The following PPP2R5C variants were observed in gnomAD, a reference collection of about 807,000 sequenced individuals.
PPP2R5C encodes the protein protein phosphatase 2 regulatory subunit B'gamma.
Under a neutral mutation model 68.9 loss-of-function variants are expected in PPP2R5C, and 7 were observed. The observed-to-expected ratio is 0.10, with a 90% CI of 0.06 to 0.19. The LOEUF (loss-of-function observed/expected upper bound fraction) is 0.19. Among genes scored for constraint, PPP2R5C ranks in the 10% least tolerant of loss-of-function variants. PPP2R5C has a pLI of 1.00. For synonymous variants in PPP2R5C, 210 were observed against 222.2 expected, an observed-to-expected ratio of 0.95 and a Z score of 0.49; for missense variants, 348 against 641.3, an observed-to-expected ratio of 0.54 and a Z score of 4.94.
intron 1 of PPP2R5C, 86 bp from the exon 2 acceptor site, chr14:101,762,819 T>C (rs1440185867): frequency 9.3e-7 from 1 of 1,073,946 alleles, no homozygotes; most frequent in African/African-American, 1.6e-5. Context: ...GTTGTATAAA[T>C]CACTTTTAAA....
chr14:101,845,887 TC>T (rs1229276239), intron 1 of PPP2R5C, among the ~76,000 whole-genome samples: 1 of 152,182 alleles, frequency 6.6e-6, no homozygotes, highest in African/African-American at 2.4e-5. Flanking sequence ...GTTGTCTCTA[TC>T]CAAACATGTA....
intron 9 of PPP2R5C, among the ~76,000 whole-genome samples, chr14:101,903,042 C>G (rs1455775655): frequency 6.9e-6 from 1 of 143,978 alleles, no homozygotes; most frequent in Non-Finnish European, 1.5e-5. Flanking sequence ...TTCATCAATC[C>G]TGGCCTACAG....
At chr14:101,894,605 C>T (rs1314391378) in intron 8 of PPP2R5C, 45 bp downstream of exon 10, 1 of 1,551,014 alleles carries the variant, frequency 6.4e-7, no homozygotes, top group Non-Finnish European at 8.9e-7. Flanking sequence ...GTGCATTTCA[C>T]TAAATGTAAA....
chr14:101,866,165 G>A (rs2043053940), intron 2 of PPP2R5C, among the ~76,000 whole-genome samples: 1 of 152,220 alleles, frequency 6.6e-6, no homozygotes, highest in Admixed American at 6.5e-5. Context: ...AGAGTACTGG[G>A]ATAACTGGCG....
rs2044254143 is a variant in PPP2R5C at position 101,882,987 on chromosome 14, G to A, written c.406-270G>A. The A allele has an allele frequency of 2.9e-6, 1 of 347,426 alleles. No individual in the cohort carries two copies. The highest frequency in any genetic ancestry group is 7.1e-5 in the East Asian group (1 of 14,072). The allele number at this position is 347,426 out of a possible 1,614,324, so 21.5% of individuals were successfully genotyped here. ...GTGGCATCTGTGCCCTGTAGTCCCTGAACAGTGTACTATAACTGATGACAT... is the reference window on the plus strand; with the variant it reads ...GTGGCATCTGTGCCCTGTAGTCCCTAAACAGTGTACTATAACTGATGACAT... On this transcript the variant is annotated intron_variant, in intron 3 of 13. Transcript: ENST00000334743. This position sits in a 1 kb window ranked among gnomAD's most constrained non-coding sequence, Gnocchi z 4.9.
chr14:101,762,308 A>G (rs1400823880), intron 1 of PPP2R5C, among the ~76,000 whole-genome samples: 2 of 152,040 alleles, frequency 1.3e-5, no homozygotes, highest in African/African-American at 4.8e-5. Context: ...GGCTCCCGGA[A>G]AGGAGCTTCA....
intron 8 of PPP2R5C, among the ~76,000 whole-genome samples, chr14:101,896,754 TA>T (rs1162570552): frequency 6.6e-6 from 1 of 152,124 alleles, no homozygotes; most frequent in Non-Finnish European, 1.5e-5. Context: ...TAAGGAATGT[TA>T]GGAACCAATT....
chr14:101,918,810 T>G (rs1215520334), intron 13 of PPP2R5C, among the ~76,000 whole-genome samples: 1 of 149,138 alleles, frequency 6.7e-6, no homozygotes. Flanking sequence ...TCAGCTGCCG[T>G]GTTTCCCTGA....
intron 2 of PPP2R5C, 100 bp downstream of exon 4, chr14:101,856,985 C>A (rs184894158): frequency 7.2e-6 from 8 of 1,114,066 alleles, no homozygotes; most frequent in Non-Finnish European, 7.8e-6. Context: ...GGAGAAGAAT[C>A]CTCCTGTTCC....
At chr14:101,901,416 C>T (rs1436519928) in intron 8 of PPP2R5C, among the ~76,000 whole-genome samples, 1 of 152,218 alleles carries the variant, frequency 6.6e-6, no homozygotes, top group Non-Finnish European at 1.5e-5. Flanking sequence ...GTCCCAGCTA[C>T]TCAGAGGCTG....
chr14:101,763,018 C>A (rs1426609238), intron 2 of PPP2R5C, 48 bp downstream of exon 2: 5 of 1,467,346 alleles, frequency 3.4e-6, no homozygotes, highest in Non-Finnish European at 3.7e-6. Flanking sequence ...CAGCTTTTAA[C>A]TTCAGGTAGA....
Position 101,879,723 on chromosome 14 carries a change from C to A in PPP2R5C, c.295-2438C>A, listed in dbSNP as rs1207702865. On this transcript the variant is annotated intron_variant, in intron 2 of 13. Transcript: ENST00000334743. The surrounding 1 kb of genome is among the most constrained non-coding windows in gnomAD (Gnocchi z 4.2). ...GACCCTGTCCTGTGGGTGACTGGACCCTCACCCCAGTCTCTTGGCTTTGAG... is the reference window on the plus strand; with the variant it reads ...GACCCTGTCCTGTGGGTGACTGGACACTCACCCCAGTCTCTTGGCTTTGAG... Among the ~76,000 whole-genome samples the A allele has an allele frequency of 6.6e-6, 1 of 152,128 alleles. No homozygotes were observed. Among genetic ancestry groups the A allele is most frequent in the African/African-American group, 2.4e-5 (1 of 41,414 alleles).
rs1187232758 is a variant in PPP2R5C, at chr14:101,879,984, G to A, written c.295-2177G>A. Among the ~76,000 whole-genome samples, 1 of 152,150 alleles carries A rather than the reference G, an allele frequency of 6.6e-6. No homozygotes were observed. Among genetic ancestry groups the A allele is most frequent in the South Asian group, 2.1e-4 (1 of 4,826 alleles). Reference sequence around the variant, plus strand: ...CTGCTTGTTCACGTCTGTGGGCTTTGGGGTCAGGGTGCCAGGAGGGGCAGA... The same window carrying A: ...CTGCTTGTTCACGTCTGTGGGCTTTAGGGTCAGGGTGCCAGGAGGGGCAGA... On this transcript the variant is annotated intron_variant, in intron 2 of 13. Coordinates refer to ENST00000334743, the Ensembl canonical transcript of PPP2R5C. The surrounding 1 kb of genome is among the most constrained non-coding windows in gnomAD (Gnocchi z 4.2).
intron 11 of PPP2R5C, among the ~76,000 whole-genome samples, chr14:101,912,175 T>C (rs975983931): frequency 6.6e-6 from 1 of 152,242 alleles, no homozygotes; most frequent in Non-Finnish European, 1.5e-5. Context: ...ATAAGATTTC[T>C]TTTAAGAATT....
chr14:101,763,974 C>T (rs1002316252), intron 2 of PPP2R5C, among the ~76,000 whole-genome samples: 2 of 151,650 alleles, frequency 1.3e-5, no homozygotes, highest in African/African-American at 4.9e-5. Flanking sequence ...AAAAATTTAC[C>T]TAGTTTTGGT....
chr14:101,910,713 A>T (rs966776764), intron 11 of PPP2R5C, among the ~76,000 whole-genome samples: 2 of 151,898 alleles, frequency 1.3e-5, no homozygotes, highest in Non-Finnish European at 2.9e-5. Context: ...CATGCCTGTA[A>T]TCCCAGCGCT....
chr14:101,804,872 G>A (rs2140156968), intron 3 of PPP2R5C, among the ~76,000 whole-genome samples: 1 of 152,254 alleles, frequency 6.6e-6, no homozygotes, highest in South Asian at 2.1e-4. Flanking sequence ...TAATTGGATT[G>A]TTTGTAACTC....
chr14:101,761,036 G>T (rs991911309), upstream of PPP2R5C, among the ~76,000 whole-genome samples: 1 of 110,754 alleles, frequency 9.0e-6, no homozygotes, highest in African/African-American at 4.4e-5. Flanking sequence ...GGGTGGTCGA[G>T]GGGAGGGGAC....
chr14:101,826,264 T>A (rs1003588264), intron 1 of PPP2R5C, among the ~76,000 whole-genome samples: 5 of 152,242 alleles, frequency 3.3e-5, no homozygotes, highest in African/African-American at 9.6e-5. Context: ...AAGAGTTTTT[T>A]AATATGAATT....
Sources: allele counts gnomAD v4.1 joint callset (sites outside exome capture counted in the v4.1 genomes callset), GRCh38; gene constraint gnomAD v4.1.1; non-coding constraint Gnocchi (gnomAD v3.1); transcripts MANE v1.5; gene names NCBI Gene and HGNC (gene_info 2026-07-23, HGNC 2026-07-21).